The following FSIP2 variants were observed in gnomAD, a reference collection of about 807,000 sequenced individuals.
FSIP2 encodes the protein fibrous sheath-interacting protein 2.
A neutral mutation model predicts 510.5 loss-of-function variants in FSIP2; 367 were observed. The observed-to-expected ratio is 0.72, with a 90% CI of 0.66 to 0.78. The LOEUF (loss-of-function observed/expected upper bound fraction) is 0.78, where lower values mean the gene tolerates loss of function less well. Among genes scored for constraint, FSIP2 ranks in the 30% least tolerant of loss-of-function variants. The probability of loss-of-function intolerance (pLI) is 0.00; values close to 1 mark genes in which losing one functional copy is unlikely to be tolerated. For missense variants in FSIP2, 7,594 were observed against 7,901.7 expected (o/e 0.96, Z 1.48); for synonymous variants, 2,601 against 2,732.2 (o/e 0.95, Z 1.50).
chr2:185,829,273 A>G (rs1694068193), intron 21 of FSIP2, among the ~76,000 whole-genome samples: 1 of 151,910 alleles, frequency 6.6e-6, no homozygotes, highest in African/African-American at 2.4e-5. Context: ...AAGGTGGAGT[A>G]GGCAGGCTCC....
In FSIP2 at chr2:185,794,689, C is replaced by T. The variant is rs1392773990; in HGVS notation, c.7553C>T (p.Ser2518Phe). 1 of 1,533,608 alleles carries T rather than the reference C, an allele frequency of 6.5e-7. No individual in the cohort carries two copies. Among genetic ancestry groups the T allele is most frequent in the African/African-American group, 1.4e-5 (1 of 72,842 alleles). Residue 2518 changes from serine to phenylalanine, a missense_variant, in exon 16 of 23, where the codon TCT becomes TTT. Physicochemically the swap from Ser to Phe is radical, Grantham distance 155. Transcript: ENST00000424728. ...GAAACTGCCAACTTTATATCTAATT[C>T]TAAGATTAAAACATCAGACACAACA... ...LNETANFISN[S>F]KIKTSDTTQK...
Position 185,738,807 on chromosome 2 carries a change from C to T in FSIP2, c.-88C>T. On this transcript the variant is annotated 5_prime_UTR_variant, in exon 1 of 23. Coordinates refer to ENST00000424728, the MANE Select transcript of FSIP2 (RefSeq NM_173651.4). ...CTGAGGTCGTTGGGCTCTGGCCATT[C>T]CTGGTCAGGTCCGGACAGAGGGACA... 6.5e-7 allele frequency: 1 copy of T among 1,535,968 alleles called. No individual in the cohort carries two copies. Among genetic ancestry groups the T allele is most frequent in the African/African-American group, 1.4e-5 (1 of 73,158 alleles).
In FSIP2 at chr2:185,771,254, T is replaced by TG. The variant is rs368745801; in HGVS notation, c.1411+6690dup. 2.0e-5 allele frequency among the ~76,000 whole-genome samples: 3 copies of TG among 152,318 alleles called. No homozygotes were observed. The East Asian group carries it at 5.8e-4, about 29-fold the overall frequency. The stretch of plus-strand genomic sequence containing the variant: ...CACAGTTCCACTAGGTAGTGCCCAG[T>TG]GAGGACTCAGTGTGAGTTCTTCAAT... On this transcript the variant is annotated intron_variant, in intron 13 of 22. Transcript: ENST00000424728.
rs1693556045 is a variant in FSIP2 at position 185,805,832 on chromosome 2, G to A, written c.16526G>A (p.Gly5509Glu). 1.9e-6 allele frequency: 3 copies of A among 1,607,656 alleles called. No individual in the cohort carries two copies. Among genetic ancestry groups the A allele is most frequent in the Non-Finnish European group, 2.5e-6 (3 of 1,177,566 alleles). The part of the protein sequence containing the change: ...MKSGMINLTS[G>E]LATGVTNKKE... The stretch of plus-strand genomic sequence containing the variant: ...AGCGGCATGATTAACCTAACATCAG[G>A]GTTGGCTACAGGTGTGACAAATAAA... The change falls in exon 17 of 23, where the codon GGG becomes GAG. Residue 5509 changes from glycine to glutamate, a missense_variant. Coordinates refer to ENST00000424728, the MANE Select transcript of FSIP2 (RefSeq NM_173651.4).
rs775071093 is a variant in FSIP2 at position 185,813,604 on chromosome 2, C to T, written c.19887C>T (p.Leu6629=). 5.7e-6 allele frequency: 9 copies of T among 1,580,418 alleles called. No individual in the cohort carries two copies. The highest frequency in any genetic ancestry group is 7.7e-6 in the Non-Finnish European group (9 of 1,163,844). ...IRKPDITKVE[L]LKDVQSKNDL... The stretch of plus-strand genomic sequence containing the variant: ...AGCCTGATATTACAAAGGTGGAGCT[C>T]TTAAAAGATGTTCAAAGTAAAAATG... Residue 6629 remains leucine, a synonymous_variant, in exon 18 of 23, where the codon CTC becomes CTT. Transcript: ENST00000424728.
chr2:185,828,073 AAAT>A, intron 20 of FSIP2, 80 bp from the exon 21 acceptor site: 2 of 798,950 alleles, frequency 2.5e-6, no homozygotes, highest in Non-Finnish European at 4.2e-6. Flanking sequence ...GGTGAAAAAT[AAAT>A]AATATGATCA....
chr2:185,832,586 A>T (rs1694128234), intron 22 of FSIP2, among the ~76,000 whole-genome samples: 1 of 151,636 alleles, frequency 6.6e-6, no homozygotes, highest in Non-Finnish European at 1.5e-5. Flanking sequence ...TTATTTCTTT[A>T]TGTATAAAAT....
At chr2:185,748,938 C>A (rs1364194329) in intron 7 of FSIP2, among the ~76,000 whole-genome samples, 1 of 152,016 alleles carries the variant, frequency 6.6e-6, no homozygotes, top group East Asian at 1.9e-4. Flanking sequence ...TTTTTCACTG[C>A]AAATTATGTC....
chr2:185,777,125 T>C (rs1692742129), intron 13 of FSIP2, among the ~76,000 whole-genome samples: 1 of 152,184 alleles, frequency 6.6e-6, no homozygotes, highest in South Asian at 2.1e-4. Flanking sequence ...ACATAATGAA[T>C]AGGCATGGCT....
chr2:185,824,403 C>G (rs1261613328), intron 19 of FSIP2, 31 bp from the exon 20 acceptor site: 2 of 1,488,254 alleles, frequency 1.3e-6, no homozygotes, highest in Admixed American at 3.7e-5. Context: ...TCAAATTCAC[C>G]CTAAATGATG....
chr2:185,814,020 G>C lies in FSIP2; in HGVS notation c.20303G>C (p.Trp6768Ser). 6.2e-7 allele frequency: 1 copy of C among 1,612,392 alleles called. No individual in the cohort carries two copies. The change falls in exon 18 of 23, where the codon TGG becomes TCG. Residue 6768 changes from tryptophan (W) to serine (S), a missense_variant. Coordinates refer to ENST00000424728, the MANE Select transcript of FSIP2 (RefSeq NM_173651.4). ...ATGCCTGAAACAGCCTCTTCATCTT[G>C]GGAGGAAAAGCCCCAGTGTAAGGTA... ...KTMPETASSS[W>S]EEKPQCKKEE...
intron 1 of FSIP2, 72 bp downstream of exon 1, chr2:185,739,065 G>C: frequency 1.5e-5 from 22 of 1,456,534 alleles, no homozygotes; most frequent in Non-Finnish European, 2.0e-5. Flanking sequence ...GGCAGGGATC[G>C]CCACACACGG....
intron 19 of FSIP2, among the ~76,000 whole-genome samples, chr2:185,817,491 G>T (rs1456503073): frequency 6.6e-6 from 1 of 151,942 alleles, no homozygotes; most frequent in East Asian, 2.0e-4. Flanking sequence ...AACTGAGTTT[G>T]GGGAAGCACA....
At chr2:185,816,861 G>C (rs1693834802) in intron 19 of FSIP2, among the ~76,000 whole-genome samples, 3 of 147,212 alleles carry the variant, frequency 2.0e-5, no homozygotes, top group African/African-American at 7.7e-5. Flanking sequence ...GAGACAGAGA[G>C]AGAGAGAGAG....
intron 21 of FSIP2, among the ~76,000 whole-genome samples, 178 bp from the exon 22 acceptor site, chr2:185,831,635 A>C (rs1161661835): frequency 6.6e-6 from 1 of 151,838 alleles, no homozygotes; most frequent in Non-Finnish European, 1.5e-5. Flanking sequence ...TACTTTGCAA[A>C]AATTATCAGC....
intron 20 of FSIP2, among the ~76,000 whole-genome samples, chr2:185,827,731 T>C (rs1409024105): frequency 6.6e-6 from 1 of 151,896 alleles, no homozygotes; most frequent in East Asian, 1.9e-4. Context: ...CTCTCCTCTT[T>C]ATTCTAATAA....
Position 185,803,038 on chromosome 2 carries a change from G to A in FSIP2, c.13732G>A (p.Gly4578Ser). ...TGACATTCTTATAGATAGAATAGCA[G>A]GTTTCATCATTAAACATATCTGTCA... Reference protein sequence around the residue: ...SNDILIDRIAGFIIKHICQKH... With the variant: ...SNDILIDRIASFIIKHICQKH... The change falls in exon 17 of 23, where the codon GGT (glycine) becomes AGT (serine). Residue 4578 changes from glycine (G) to serine (S), a missense_variant. Physicochemically the swap from Gly to Ser is moderately conservative, Grantham distance 56 (BLOSUM62 0). Coordinates refer to ENST00000424728, the MANE Select transcript of FSIP2 (RefSeq NM_173651.4). 6 of 1,523,300 alleles carry A rather than the reference G, an allele frequency of 3.9e-6. No homozygotes were observed. The highest frequency in any genetic ancestry group is 3.5e-6 in the Non-Finnish European group (4 of 1,141,654). The allele number at this position is 1,523,300 out of a possible 1,614,324, so 94.4% of individuals were successfully genotyped here. A position where few individuals can be genotyped will look rare whatever the true frequency, so the allele number is the denominator to read the frequency against.
Position 185,807,856 on chromosome 2 carries a change from G to C in FSIP2, c.18550G>C (p.Val6184Leu). 6.2e-7 allele frequency: 1 copy of C among 1,610,110 alleles called. No homozygotes were observed. Among genetic ancestry groups the C allele is most frequent in the Non-Finnish European group, 8.5e-7 (1 of 1,178,486 alleles). Residue 6184 changes from valine (V) to leucine (L), a missense_variant, in exon 17 of 23, where the codon GTG (valine) becomes CTG (leucine). Transcript: ENST00000424728. ...TTATAACATAATAGAAGAAATTGCT[G>C]TGAAATTTTTATCAAAGCTTTTATC... ...LSYNIIEEIAVKFLSKLLSIF... is the reference protein window; with the variant it reads ...LSYNIIEEIALKFLSKLLSIF...
Position 185,833,222 on chromosome 2 carries a change from A to G in FSIP2, c.20720A>G (p.His6907Arg). ...RSSSPAHQDE[H>R] ...TCCTCACCAGCTCACCAGGATGAAC[A>G]CTGAAGCTTTTGTACCTGATATAAG... The change falls in exon 23 of 23, where the codon CAC becomes CGC. Residue 6907 changes from histidine to arginine, a missense_variant. Transcript: ENST00000424728. 1.9e-6 allele frequency: 3 copies of G among 1,605,350 alleles called. No homozygotes were observed. Among genetic ancestry groups the G allele is most frequent in the South Asian group, 2.2e-5 (2 of 89,720 alleles).
Sources: allele counts gnomAD v4.1 joint callset (sites outside exome capture counted in the v4.1 genomes callset), GRCh38; gene constraint gnomAD v4.1.1; transcripts MANE v1.5; gene names NCBI Gene and HGNC (gene_info 2026-07-23, HGNC 2026-07-21).